NTM: variants seen among roughly 807,000 people sequenced by gnomAD.
NTM encodes the protein neurotrimin, also known as IgLON family member 2.
A neutral mutation model predicts 42.1 loss-of-function variants in NTM; 13 were observed. That is an observed-to-expected ratio of 0.31 (90% CI 0.20 to 0.49). The LOEUF is 0.49. Among genes scored for constraint, NTM ranks in the 20% least tolerant of loss-of-function variants. NTM has a pLI of 0.99. For missense variants in NTM, 373 were observed against 452.8 expected (o/e 0.82, Z 1.60); for synonymous variants, 187 against 179.2 (o/e 1.04, Z -0.35).
chr11:132,127,022 A>T (rs1210954927), intron 2 of NTM, among the ~76,000 whole-genome samples: 1 of 152,090 alleles, frequency 6.6e-6, no homozygotes, highest in Non-Finnish European at 1.5e-5. Flanking sequence ...AACTATTTCC[A>T]TCTCCAGCTT....
At chr11:132,331,004 A>G (rs557772966) in intron 8 of NTM, among the ~76,000 whole-genome samples, 12 of 152,322 alleles carry the variant, frequency 7.9e-5, no homozygotes, top group Admixed American at 2.6e-4. Context: ...ATCCTTCCAC[A>G]TAGCATTCAT....
At chr11:131,699,676 G>A (rs2075856093) in intron 1 of NTM, among the ~76,000 whole-genome samples, 1 of 152,064 alleles carries the variant, frequency 6.6e-6, no homozygotes, top group Admixed American at 6.6e-5. Context: ...GGAAGGGGAA[G>A]CAAACGCGTC....
At chr11:131,885,272 C>G (rs2050198253) in intron 1 of NTM, among the ~76,000 whole-genome samples, 1 of 152,122 alleles carries the variant, frequency 6.6e-6, no homozygotes, top group Non-Finnish European at 1.5e-5. Context: ...CACAGGGCTT[C>G]CAGCTGGAGA....
chr11:131,526,234 C>T (rs2050459087), intron 1 of NTM, among the ~76,000 whole-genome samples: 1 of 152,218 alleles, frequency 6.6e-6, no homozygotes, highest in African/African-American at 2.4e-5. Flanking sequence ...CTGACCCCCA[C>T]TTTACTGCAG....
intron 2 of NTM, among the ~76,000 whole-genome samples, chr11:131,994,085 C>G (rs1478224871): frequency 6.6e-6 from 1 of 151,488 alleles, no homozygotes; most frequent in Admixed American, 6.6e-5. Context: ...GCTCGTGTCT[C>G]TAAAGGTGGA....
chr11:131,893,150 A>G (rs1318532672), intron 1 of NTM, among the ~76,000 whole-genome samples: 2 of 152,238 alleles, frequency 1.3e-5, no homozygotes, highest in East Asian at 3.8e-4. Flanking sequence ...TATTAGGGCT[A>G]GAATTTTAAA....
intron 1 of NTM, among the ~76,000 whole-genome samples, chr11:131,508,645 A>T (rs2047817884): frequency 6.6e-6 from 1 of 150,982 alleles, no homozygotes; most frequent in Non-Finnish European, 1.5e-5. Context: ...CAAATGTCCA[A>T]CAATGATAGA....
chr11:131,736,999 G>T, intron 1 of NTM, among the ~76,000 whole-genome samples: 1 of 152,188 alleles, frequency 6.6e-6, no homozygotes, highest in East Asian at 1.9e-4. Context: ...ACTCTCCTCA[G>T]GGGGCTTAGA....
chr11:132,244,121 G>C (rs930317693), intron 4 of NTM, among the ~76,000 whole-genome samples: 31 of 152,176 alleles, frequency 2.0e-4, no homozygotes, highest in Non-Finnish European at 1.6e-4. Flanking sequence ...TGAGCTCGGG[G>C]CTTCCTGCCA....
chr11:131,390,318 C>A (rs1943842204), intron 1 of NTM, among the ~76,000 whole-genome samples: 1 of 152,092 alleles, frequency 6.6e-6, no homozygotes, highest in South Asian at 2.1e-4. Context: ...GATCTGCCCC[C>A]ACGACCCGAA....
At chr11:131,371,556 A>C (rs574254750) in intron 1 of NTM, among the ~76,000 whole-genome samples, 1 of 152,276 alleles carries the variant, frequency 6.6e-6, no homozygotes. Flanking sequence ...GGAGAGAGGC[A>C]ATAAGAGTCG....
chr11:131,878,300 G>T (rs964304233), intron 1 of NTM, among the ~76,000 whole-genome samples: 1 of 151,914 alleles, frequency 6.6e-6, no homozygotes, highest in Non-Finnish European at 1.5e-5. Context: ...GCCTGGCATG[G>T]TGGCTGGCGC....
chr11:131,786,294 G>A (rs1322443282), intron 1 of NTM, among the ~76,000 whole-genome samples: 1 of 152,184 alleles, frequency 6.6e-6, no homozygotes, highest in East Asian at 1.9e-4. Context: ...ACTTTGATGT[G>A]TTTTGCCAAG....
chr11:131,730,865 T>G (rs1034487382), intron 1 of NTM, among the ~76,000 whole-genome samples: 2 of 152,124 alleles, frequency 1.3e-5, no homozygotes. Context: ...CAGTAGTTTC[T>G]CTCTGATATA....
intron 2 of NTM, among the ~76,000 whole-genome samples, chr11:132,072,910 T>C (rs1790174): frequency 0.12 from 18,960 of 152,172 alleles, 1,273 homozygotes; most frequent in Middle Eastern, 0.16. Context: ...TGGGAACTCT[T>C]CTGAGAGAAT....
intron 2 of NTM, among the ~76,000 whole-genome samples, chr11:131,959,856 C>T (rs1276231913): frequency 6.6e-6 from 1 of 152,152 alleles, no homozygotes; most frequent in East Asian, 1.9e-4. Context: ...TGAAGAAATG[C>T]CACAGACAAT....
At chr11:131,627,328 T>C (rs1257726859) in intron 1 of NTM, among the ~76,000 whole-genome samples, 2 of 150,894 alleles carry the variant, frequency 1.3e-5, no homozygotes, top group African/African-American at 4.9e-5. Context: ...TGAGGTAGAG[T>C]GTCTCTGAGG....
chr11:132,125,512 ATG>A (rs2065581324), intron 2 of NTM, among the ~76,000 whole-genome samples: 1 of 96,680 alleles, frequency 1.0e-5, no homozygotes, highest in Admixed American at 1.0e-4. Flanking sequence ...GTGGTGGTGT[ATG>A]TGGTGTGTGT....
At chr11:131,931,449 AT>A (rs1438703507) in intron 2 of NTM, among the ~76,000 whole-genome samples, 13 of 147,822 alleles carry the variant, frequency 8.8e-5, no homozygotes, top group African/African-American at 3.0e-4. Context: ...AAAAAAAAAA[AT>A]AATAATAATA....
Sources: allele counts gnomAD v4.1 joint callset (sites outside exome capture counted in the v4.1 genomes callset), GRCh38; gene constraint gnomAD v4.1.1; transcripts MANE v1.5; gene names NCBI Gene and HGNC (gene_info 2026-07-23, HGNC 2026-07-21).